Variants in KIF14 observed in about 807,000 individuals in gnomAD.
KIF14 encodes kinesin family member 14.
A neutral mutation model predicts 176.2 loss-of-function variants in KIF14; 98 were observed. The observed-to-expected ratio is 0.56, with a 90% confidence interval of 0.47 to 0.66. The LOEUF is 0.66. KIF14 is among the 30% of genes least tolerant of loss of function. The pLI, the probability that KIF14 is intolerant of heterozygous loss-of-function variation, is 0.00. For missense variants in KIF14, 1,751 were observed against 1,920.4 expected (o/e 0.91, Z 1.65); for synonymous variants, 566 against 632.2 (o/e 0.90, Z 1.57).
chr1:200,556,981 T>C (rs17408679), intron 27 of KIF14, among the ~76,000 whole-genome samples: 15,929 of 152,212 alleles, frequency 0.1, 1,051 homozygotes, highest in Non-Finnish European at 0.13. Context: ...AGTAACAATG[T>C]GTTTTTACTT....
intron 5 of KIF14, among the ~76,000 whole-genome samples, chr1:200,607,503 C>T (rs916710967): frequency 6.6e-6 from 1 of 152,184 alleles, no homozygotes; most frequent in African/African-American, 2.4e-5. Flanking sequence ...GATTTATATA[C>T]TTTTAAATGC....
rs1660612642 is a variant in KIF14, at chr1:200,620,161, T to A, written c.-116+250A>T. On this transcript the variant is annotated intron_variant, in intron 1 of 29. Coordinates refer to ENST00000367350, the MANE Select transcript of KIF14 (RefSeq NM_014875.3). Reference sequence around the variant, plus strand: ...AAGCATCTCCCATCAACGTTTCAACTCAAAATACAGAATTTTCCTGTTATG... The same window carrying A: ...AAGCATCTCCCATCAACGTTTCAACACAAAATACAGAATTTTCCTGTTATG... Among the ~76,000 whole-genome samples, 8 of 152,214 alleles carry A rather than the reference T, an allele frequency of 5.3e-5. No individual in the cohort carries two copies. In the South Asian group the frequency reaches 1.7e-3, roughly 31 times the overall value.
intron 22 of KIF14, among the ~76,000 whole-genome samples, chr1:200,574,358 C>T (rs1391782149): frequency 6.6e-6 from 1 of 152,152 alleles, no homozygotes. Context: ...TAGTCAGTCA[C>T]CCAATTTAAA....
chr1:200,575,005 G>A (rs1658016645), intron 22 of KIF14, among the ~76,000 whole-genome samples: 1 of 143,578 alleles, frequency 7.0e-6, no homozygotes, highest in African/African-American at 2.6e-5. Context: ...TGCAGCGGCT[G>A]GAGTGCAGTG....
At chr1:200,617,016 G>A (rs1185643391) in intron 2 of KIF14, among the ~76,000 whole-genome samples, 1 of 152,170 alleles carries the variant, frequency 6.6e-6, no homozygotes, top group Non-Finnish European at 1.5e-5. Context: ...CGCCCAGGCT[G>A]GAGTGCAGTG....
At chr1:200,613,853 T>C (rs1660276304) in intron 4 of KIF14, among the ~76,000 whole-genome samples, 1 of 151,960 alleles carries the variant, frequency 6.6e-6, no homozygotes, top group Non-Finnish European at 1.5e-5. Flanking sequence ...ATAAGTGAAA[T>C]AGGAAGCCAG....
chr1:200,561,815 A>C (rs1318219504), intron 25 of KIF14, among the ~76,000 whole-genome samples: 3 of 152,166 alleles, frequency 2.0e-5, no homozygotes, highest in African/African-American at 4.8e-5. Flanking sequence ...AAGAAAAAGA[A>C]GGGTGGCTCT....
rs202239250 is a variant in KIF14, at chr1:200,615,614, A to G, written c.1113-5T>C. On this transcript the variant is annotated splice_region_variant and splice_polypyrimidine_tract_variant and intron_variant, in intron 2 of 29. Transcript: ENST00000367350. ...GATGCTTTTTCAATCTTCTCTCTTGAAAGAAGCACAAAGAAAAAAATCAAG... is the reference window on the plus strand; with the variant it reads ...GATGCTTTTTCAATCTTCTCTCTTGGAAGAAGCACAAAGAAAAAAATCAAG... 2.5e-6 allele frequency: 4 copies of G among 1,594,344 alleles called. No individual in the cohort carries two copies. In the Admixed American group the frequency reaches 7.2e-5, roughly 29 times the overall value.
chr1:200,614,514 A>C, intron 3 of KIF14, 109 bp from the exon 4 acceptor site: 2 of 628,608 alleles, frequency 3.2e-6, no homozygotes, highest in East Asian at 2.8e-5. Context: ...ACTGAATCTC[A>C]TAATTAAGAA....
At chr1:200,583,474 G>C (rs1032913643) in intron 19 of KIF14, among the ~76,000 whole-genome samples, 3 of 152,066 alleles carry the variant, frequency 2.0e-5, no homozygotes, top group African/African-American at 7.2e-5. Context: ...GAGGATAGCG[G>C]CAACAAGATT....
intron 1 of KIF14, 22 bp from the exon 2 acceptor site, chr1:200,618,860 T>C: frequency 1.5e-6 from 1 of 681,286 alleles, no homozygotes; most frequent in Non-Finnish European, 2.4e-6. Flanking sequence ...AAAAAAGATT[T>C]AGATCACACA....
Position 200,618,061 on chromosome 1 carries a change from A to G in KIF14, c.663T>C (p.Ile221=), listed in dbSNP as rs767359240. ...ALKYSSNRPP[I]ASLSQTEVVR... Reference sequence around the variant, plus strand: ...CAACTTCAGTCTGACTCAGGGAAGCAATGGGTGGTCTATTACTTGAGTACT... The same window carrying G: ...CAACTTCAGTCTGACTCAGGGAAGCGATGGGTGGTCTATTACTTGAGTACT... The change falls in exon 2 of 30, where the codon ATT becomes ATC. Residue 221 remains isoleucine (I), a synonymous_variant. Coordinates refer to ENST00000367350, the MANE Select transcript of KIF14 (RefSeq NM_014875.3). 1.2e-6 allele frequency: 2 copies of G among 1,614,060 alleles called. No individual in the cohort carries two copies. The highest frequency in any genetic ancestry group is 2.2e-5 in the South Asian group (2 of 91,082).
chr1:200,589,380 C>T lies in KIF14; in HGVS notation c.2962-11G>A, dbSNP rs1242236594. On this transcript the variant is annotated splice_polypyrimidine_tract_variant and intron_variant, in intron 17 of 29. Coordinates refer to ENST00000367350, the MANE Select transcript of KIF14 (RefSeq NM_014875.3). ...TTGAGACTCTTCTCTCTTTAAAGAA[C>T]AATAATAAAAAATATCTCAGGCAAA... is the stretch of plus-strand genomic sequence containing the variant. 1.9e-6 allele frequency: 3 copies of T among 1,580,244 alleles called. No individual in the cohort carries two copies. Among genetic ancestry groups the T allele is most frequent in the Non-Finnish European group, 2.6e-6 (3 of 1,164,600 alleles).
intron 21 of KIF14, among the ~76,000 whole-genome samples, chr1:200,578,444 T>C (rs1196373524): frequency 6.6e-6 from 1 of 152,136 alleles, no homozygotes; most frequent in African/African-American, 2.4e-5. Flanking sequence ...ATAGTAGCAA[T>C]GCAACAATAC....
chr1:200,614,059 T>C (rs573045529), intron 4 of KIF14, among the ~76,000 whole-genome samples: 1 of 152,316 alleles, frequency 6.6e-6, no homozygotes, highest in South Asian at 2.1e-4. Context: ...TGTGAGCCTC[T>C]ACGTATACAC....
At chr1:200,590,950 CAGG>C (rs1659024689) in intron 16 of KIF14, among the ~76,000 whole-genome samples, 1 of 151,654 alleles carries the variant, frequency 6.6e-6, no homozygotes. Context: ...GGCTTGAGGC[CAGG>C]AGGTGGAAGT....
intron 13 of KIF14, among the ~76,000 whole-genome samples, chr1:200,599,578 G>A (rs1373144665): frequency 6.6e-6 from 1 of 152,056 alleles, no homozygotes; most frequent in Non-Finnish European, 1.5e-5. Flanking sequence ...ATTACATTAG[G>A]TTCAACCATA....
intron 4 of KIF14, 28 bp from the exon 5 acceptor site, chr1:200,608,956 A>C: frequency 1.5e-6 from 2 of 1,318,636 alleles, no homozygotes; most frequent in Non-Finnish European, 1.1e-6. Flanking sequence ...ACAGCATATA[A>C]TTTATTTTGA....
Position 200,554,520 on chromosome 1 carries a change from C to G in KIF14, c.4515G>C (p.Lys1505Asn), listed in dbSNP as rs1656729242. The G allele has an allele frequency of 1.3e-6, 2 of 1,551,514 alleles. No homozygotes were observed. Among genetic ancestry groups the G allele is most frequent in the Middle Eastern group, 1.7e-4 (1 of 5,946 alleles). The change falls in exon 29 of 30, where the codon AAG (lysine) becomes AAC (asparagine). Residue 1505 changes from lysine to asparagine, a missense_variant. Physicochemically the swap from Lys to Asn is moderately conservative, Grantham distance 94 (BLOSUM62 0). Transcript: ENST00000367350. Reference protein sequence around the residue: ...RMVNRAPEFLKLKHCLEKAIE... With the variant: ...RMVNRAPEFLNLKHCLEKAIE... ...TAGCTTTCTCTAAGCAATGTTTTAA[C>G]TTTAAGAATTCTGGAGCACGATTAA...
Sources: gnomAD v4.1 joint callset for allele counts (sites outside exome capture counted in the v4.1 genomes callset) on GRCh38, gnomAD v4.1.1 for gene constraint, MANE v1.5 for transcripts, NCBI Gene and HGNC (gene_info 2026-07-23, HGNC 2026-07-21) for gene names.